GNPTAB: variants seen among roughly 807,000 people sequenced by gnomAD.
GNPTAB encodes the protein N-acetylglucosamine-1-phosphotransferase subunits alpha/beta.
GNPTAB carries 92 observed loss-of-function variants against 136.6 expected under a neutral mutation model. The observed-to-expected ratio is 0.67, with a 90% CI of 0.57 to 0.80. The LOEUF (loss-of-function observed/expected upper bound fraction) is 0.80, where lower values mean the gene tolerates loss of function less well. Ranked by LOEUF, GNPTAB falls within the 30% of genes least tolerant of loss-of-function variation. The pLI is 0.00. For missense variants in GNPTAB, 1,343 were observed against 1,501.8 expected (o/e 0.89, Z 1.75); for synonymous variants, 512 against 535.1 (o/e 0.96, Z 0.60).
At position 101,761,668 on chromosome 12, in the gene GNPTAB, A is replaced by G. The variant is rs780256662; in HGVS notation, c.2811T>C (p.Tyr937=). 4.0e-5 allele frequency: 64 copies of G among 1,614,018 alleles called. No individual in the cohort carries two copies. Among genetic ancestry groups the G allele is most frequent in the East Asian group, 6.7e-5 (3 of 44,872 alleles). ...LKDTFADSLR[Y]VNKILNSKFG... Reference sequence around the variant, plus strand: ...ACTTGCTATTTAGAATTTTATTTACATATCTGAGGGAATCTGCAAATGTAT... The same window carrying G: ...ACTTGCTATTTAGAATTTTATTTACGTATCTGAGGGAATCTGCAAATGTAT... Residue 937 remains tyrosine (Y), a synonymous_variant, in exon 14 of 21, where the codon TAT becomes TAC. Transcript: ENST00000299314.
intron 8 of GNPTAB, 150 bp downstream of exon 8, chr12:101,770,846 C>A: frequency 2.4e-6 from 2 of 826,534 alleles, no homozygotes; most frequent in Non-Finnish European, 4.1e-6. Context: ...TCAGTTAATA[C>A]CAAACCAATG....
intron 9 of GNPTAB, 56 bp from the exon 10 acceptor site, chr12:101,770,247 T>C: frequency 6.3e-7 from 1 of 1,590,498 alleles, no homozygotes; most frequent in Non-Finnish European, 8.6e-7. Flanking sequence ...TGGGTTTGGT[T>C]TAGTTTTTGA....
intron 11 of GNPTAB, among the ~76,000 whole-genome samples, chr12:101,766,575 T>C (rs1594216081): frequency 6.6e-6 from 1 of 151,956 alleles, no homozygotes; most frequent in African/African-American, 2.4e-5. Flanking sequence ...GAGGCGGAGG[T>C]TGCACTGAGC....
chr12:101,763,617 C>G (rs939889835), intron 13 of GNPTAB, among the ~76,000 whole-genome samples: 6 of 152,164 alleles, frequency 3.9e-5, no homozygotes, highest in African/African-American at 1.4e-4. Flanking sequence ...GTTTTCTCCC[C>G]ACAAATTTGT....
intron 1 of GNPTAB, among the ~76,000 whole-genome samples, chr12:101,797,622 TCAAAAAAC>T (rs1392374624): frequency 6.6e-6 from 1 of 151,974 alleles, no homozygotes; most frequent in Non-Finnish European, 1.5e-5. Context: ...AGACTTCATC[TCAAAAAAC>T]CAAAAAACCA....
chr12:101,769,899 G>A, intron 10 of GNPTAB, 122 bp downstream of exon 10: 1 of 1,005,284 alleles, frequency 9.9e-7, no homozygotes, highest in Non-Finnish European at 1.6e-6. Context: ...CCAAAGTACT[G>A]GGATTACAGG....
At chr12:101,785,914 A>G in intron 5 of GNPTAB, 98 bp downstream of exon 5, 1 of 942,738 alleles carries the variant, frequency 1.1e-6, no homozygotes, top group Non-Finnish European at 1.6e-6. Context: ...AAAGTTTATC[A>G]GACATTTAAG....
chr12:101,750,257 C>T (rs1332462545), intron 19 of GNPTAB, among the ~76,000 whole-genome samples: 1 of 152,214 alleles, frequency 6.6e-6, no homozygotes, highest in Non-Finnish European at 1.5e-5. Flanking sequence ...CAAACTCTGG[C>T]CTCTGTGCTG....
chr12:101,762,886 T>C (rs1448523586), intron 13 of GNPTAB, among the ~76,000 whole-genome samples: 1 of 132,978 alleles, frequency 7.5e-6, no homozygotes, highest in East Asian at 2.2e-4. Flanking sequence ...TACTAGCCTA[T>C]AATGCTTTTG....
intron 1 of GNPTAB, among the ~76,000 whole-genome samples, chr12:101,799,882 G>A (rs1052121388): frequency 6.6e-6 from 1 of 152,022 alleles, no homozygotes; most frequent in African/African-American, 2.4e-5. Flanking sequence ...GAGGGAAGAG[G>A]AGGGGCATAA....
intron 1 of GNPTAB, among the ~76,000 whole-genome samples, chr12:101,815,391 A>T (rs924012646): frequency 2.0e-5 from 3 of 152,210 alleles, no homozygotes; most frequent in Non-Finnish European, 4.4e-5. Context: ...AAGAATTCTG[A>T]TGTACCTTCT....
chr12:101,768,935 A>G lies in GNPTAB; in HGVS notation c.1285-775T>C, dbSNP rs564473998. ...CACCTGTCAGCAGGAAAAGCACCAC[A>G]CAGTCATTGATCTTGTTTGTCCCCT... On this transcript the variant is annotated intron_variant, in intron 10 of 20. Coordinates refer to ENST00000299314, the MANE Select transcript of GNPTAB (RefSeq NM_024312.5). Among the ~76,000 whole-genome samples, 3 of 152,288 alleles carry G rather than the reference A, an allele frequency of 2.0e-5. No individual in the cohort carries two copies. The South Asian group carries it at 6.2e-4, about 32-fold the overall frequency.
At position 101,788,405 on chromosome 12, in the gene GNPTAB, C is replaced by T. The variant is rs140068739; in HGVS notation, c.365+143G>A. On this transcript the variant is annotated intron_variant, in intron 4 of 20. Transcript: ENST00000299314. ...CACTCAGCACTGCAAAATTTCCTGT[C>T]TAATAGATGTACCTAATTTGGGGTC... 82 of 685,376 alleles carry T rather than the reference C, an allele frequency of 1.2e-4. No individual in the cohort carries two copies. The African/African-American group carries it at 1.3e-3, about 11-fold the overall frequency. The allele number at this position is 685,376 out of a possible 1,614,324, so 42.5% of individuals were successfully genotyped here. A position where few individuals can be genotyped will look rare whatever the true frequency, so the allele number is the denominator to read the frequency against.
chr12:101,815,485 A>C (rs1293632194), intron 1 of GNPTAB, among the ~76,000 whole-genome samples: 1 of 152,128 alleles, frequency 6.6e-6, no homozygotes, highest in African/African-American at 2.4e-5. Flanking sequence ...GGTGGTGTAC[A>C]CCCATAGTCC....
At position 101,747,189 on chromosome 12, in the gene GNPTAB, G is replaced by A. The variant is rs1421650632; in HGVS notation, c.3746C>T (p.Ala1249Val). 1 of 1,593,324 alleles carries A rather than the reference G, an allele frequency of 6.3e-7. No homozygotes were observed. Among genetic ancestry groups the A allele is most frequent in the South Asian group, 1.1e-5 (1 of 90,704 alleles). The change falls in exon 21 of 21, where the codon GCT becomes GTT. Residue 1249 changes from alanine to valine, a missense_variant. Coordinates refer to ENST00000299314, the MANE Select transcript of GNPTAB (RefSeq NM_024312.5). ...IFPRRRIHKE[A>V]SPNRIRV ...CTATACTCTGATTCGATTGGGACTA[G>A]CTTCTTTGTGTATCCTCCTTCTGGG...
At chr12:101,753,306 C>T (rs1177727197) in intron 19 of GNPTAB, 66 bp downstream of exon 19, 7 of 1,197,572 alleles carry the variant, frequency 5.8e-6, no homozygotes, top group Non-Finnish European at 8.7e-6. Flanking sequence ...TCATCACTAA[C>T]ATATAGATAC....
chr12:101,799,943 G>A (rs767671461), intron 1 of GNPTAB, among the ~76,000 whole-genome samples: 15 of 152,166 alleles, frequency 9.9e-5, no homozygotes, highest in African/African-American at 3.1e-4. Context: ...AATTGCCAAC[G>A]TTGTAGAAGA....
chr12:101,779,819 C>T (rs575827801), intron 7 of GNPTAB: 69 of 345,850 alleles, frequency 2.0e-4, no homozygotes, highest in African/African-American at 1.2e-3. Flanking sequence ...AGCTCGTCTA[C>T]GGCCATACCA....
intron 19 of GNPTAB, among the ~76,000 whole-genome samples, chr12:101,749,705 G>A (rs1398435204): frequency 6.6e-6 from 1 of 152,246 alleles, no homozygotes; most frequent in Admixed American, 6.5e-5. Context: ...CAGAGATGGT[G>A]GCATTTCCTG....
Sources: allele counts gnomAD v4.1 joint callset (sites outside exome capture counted in the v4.1 genomes callset), GRCh38; gene constraint gnomAD v4.1.1; transcripts MANE v1.5; gene names NCBI Gene and HGNC (gene_info 2026-07-23, HGNC 2026-07-21).